The following ICA1 variants were observed in gnomAD, a reference collection of about 807,000 sequenced individuals.
The protein encoded by ICA1 is islet cell autoantigen 1.
A neutral mutation model predicts 71.0 loss-of-function variants in ICA1; 40 were observed. That is an observed-to-expected ratio of 0.56 (90% confidence interval 0.44 to 0.73). ICA1 has a LOEUF of 0.73. ICA1 is among the 30% of genes least tolerant of loss of function. ICA1 has a pLI of 0.00. For missense variants in ICA1, 578 were observed against 576.5 expected (o/e 1.00, Z -0.03); for synonymous variants, 207 against 209.5 (o/e 0.99, Z 0.10).
rs1170486145 is a variant in ICA1, at chr7:8,176,582, G to A, written c.580-17930C>T. Among the ~76,000 whole-genome samples the A allele has an allele frequency of 3.3e-5, 5 of 152,292 alleles. No homozygotes were observed. In the East Asian group the frequency reaches 7.7e-4, roughly 24 times the overall value. ...AAGGCTTTGTGCCTCGTGGGCAGCA[G>A]GCATGCACAACAATGAGTAAATGAA... On this transcript the variant is annotated intron_variant, in intron 6 of 13. Coordinates refer to ENST00000402384, the MANE Select transcript of ICA1 (RefSeq NM_001136020.3).
At chr7:8,122,514 C>T (rs1157178603) in intron 13 of ICA1, among the ~76,000 whole-genome samples, 10 of 152,284 alleles carry the variant, frequency 6.6e-5, no homozygotes, top group African/African-American at 2.4e-4. Context: ...ATAGGAAGTG[C>T]TGCACTTTGG....
intron 1 of ICA1, among the ~76,000 whole-genome samples, chr7:8,247,733 T>C (rs1378417878): frequency 1.3e-5 from 2 of 152,232 alleles, no homozygotes; most frequent in Admixed American, 6.5e-5. Context: ...TGGCTTCCAC[T>C]GCAATGAACG....
chr7:8,136,062 T>C (rs2058523), intron 12 of ICA1, among the ~76,000 whole-genome samples: 142,503 of 152,254 alleles, frequency 0.94, 66,729 homozygotes, highest in Middle Eastern at 0.96. Flanking sequence ...TTACTTAAAA[T>C]AGTTTTATAA....
intron 13 of ICA1, among the ~76,000 whole-genome samples, chr7:8,121,647 C>A (rs1311647781): frequency 6.6e-6 from 1 of 152,042 alleles, no homozygotes; most frequent in Non-Finnish European, 1.5e-5. Flanking sequence ...TTAGTGGGTA[C>A]AAAAATATAG....
rs571138104 is a variant in ICA1 at position 8,113,606 on chromosome 7, T to G, written c.*317A>C. 3 of 216,826 alleles carry G rather than the reference T, an allele frequency of 1.4e-5. No homozygotes were observed. The South Asian group carries it at 2.3e-4, about 16-fold the overall frequency. 13.4% of individuals were successfully genotyped at this position (216,826 alleles called of 1,614,324 possible). A position where few individuals can be genotyped will look rare whatever the true frequency, so the allele number is the denominator to read the frequency against. On this transcript the variant is annotated 3_prime_UTR_variant, in exon 14 of 14. Transcript: ENST00000402384. The surrounding 1 kb of genome is among the most constrained non-coding windows in gnomAD (Gnocchi z 4.2). ...ATTCAAACCTACCATCAAAGTAGGC[T>G]TCTGATTTCAACTTGGATCTCACGG...
At chr7:8,205,069 G>T (rs1238657212) in intron 6 of ICA1, among the ~76,000 whole-genome samples, 3 of 120,700 alleles carry the variant, frequency 2.5e-5, no homozygotes, top group African/African-American at 6.3e-5. Context: ...TTTTAAAATG[G>T]AAGACATGCA....
chr7:8,135,913 T>C (rs1793246858), intron 12 of ICA1, among the ~76,000 whole-genome samples: 1 of 152,206 alleles, frequency 6.6e-6, no homozygotes, highest in African/African-American at 2.4e-5. Context: ...GTATCTGCTA[T>C]TCATTTTTCT....
At position 8,223,336 on chromosome 7, in the gene ICA1, T is replaced by C. The variant is rs991964803; in HGVS notation, c.257-1938A>G. Among the ~76,000 whole-genome samples, 3 of 152,208 alleles carry C rather than the reference T, an allele frequency of 2.0e-5. No homozygotes were observed. Among genetic ancestry groups the C allele is most frequent in the Non-Finnish European group, 4.4e-5 (3 of 68,040 alleles). ...AATTTGTGGTACCTGAATAATTACA[T>C]GGTTGACAAAATGTACTCTTTCCTA... is the stretch of plus-strand genomic sequence containing the variant. On this transcript the variant is annotated intron_variant, in intron 4 of 13. Coordinates refer to ENST00000402384, the MANE Select transcript of ICA1 (RefSeq NM_001136020.3). The surrounding 1 kb of genome is among the most constrained non-coding windows in gnomAD (Gnocchi z 4.1).
intron 8 of ICA1, among the ~76,000 whole-genome samples, chr7:8,150,142 T>C (rs1347929446): frequency 6.6e-6 from 1 of 152,220 alleles, no homozygotes; most frequent in Non-Finnish European, 1.5e-5. Context: ...CAAGGCACCA[T>C]ACTGTCCTGG....
chr7:8,227,534 A>G (rs1798966535), intron 4 of ICA1: 3 of 264,674 alleles, frequency 1.1e-5, no homozygotes, highest in South Asian at 7.1e-5. Flanking sequence ...CACTTAGGAA[A>G]TACTAACATA....
chr7:8,176,980 G>A (rs767060308), intron 6 of ICA1, among the ~76,000 whole-genome samples: 4 of 152,100 alleles, frequency 2.6e-5, no homozygotes, highest in Middle Eastern at 3.2e-3. Flanking sequence ...CCAAATCTCC[G>A]AACAGCGAGA....
At chr7:8,238,989 A>T (rs1802791557) in intron 1 of ICA1, among the ~76,000 whole-genome samples, 1 of 152,224 alleles carries the variant, frequency 6.6e-6, no homozygotes, top group African/African-American at 2.4e-5. Flanking sequence ...AACCACAGCT[A>T]AATGGCACAC....
intron 12 of ICA1, among the ~76,000 whole-genome samples, chr7:8,136,977 A>G (rs1275432857): frequency 6.6e-6 from 1 of 152,206 alleles, no homozygotes; most frequent in Non-Finnish European, 1.5e-5. Flanking sequence ...TTCTGTGAAA[A>G]AATGCATGAC....
intron 12 of ICA1, among the ~76,000 whole-genome samples, chr7:8,134,696 A>G (rs987431987): frequency 1.3e-5 from 2 of 152,204 alleles, no homozygotes; most frequent in African/African-American, 4.8e-5. Context: ...GGCTAACAAG[A>G]AAAACATATT....
chr7:8,261,809 G>A lies in ICA1; in HGVS notation c.-80+285C>T, dbSNP rs369413156. Among the ~76,000 whole-genome samples, 34 of 152,224 alleles carry A rather than the reference G, an allele frequency of 2.2e-4. No homozygotes were observed. The East Asian group carries it at 5.3e-3, about 24-fold the overall frequency. On this transcript the variant is annotated intron_variant, in intron 1 of 13. Coordinates refer to ENST00000402384, the MANE Select transcript of ICA1 (RefSeq NM_001136020.3). ...CTCCCAGCGCTGGGGCCGGAGCGCG[G>A]AACGCTTCCCTACCGCTCCCCCGGG...
At chr7:8,215,384 G>C (rs1465457391) in intron 6 of ICA1, among the ~76,000 whole-genome samples, 1 of 152,062 alleles carries the variant, frequency 6.6e-6, no homozygotes, top group African/African-American at 2.4e-5. Context: ...TTCACATTTT[G>C]TTTAGTGCCA....
At chr7:8,154,639 T>G (rs1800869682) in intron 8 of ICA1, among the ~76,000 whole-genome samples, 1 of 152,170 alleles carries the variant, frequency 6.6e-6, no homozygotes, top group Non-Finnish European at 1.5e-5. Context: ...TTACTTAAAT[T>G]TCAAAATGGC....
chr7:8,202,260 A>G (rs1285458375), intron 6 of ICA1, among the ~76,000 whole-genome samples: 1 of 152,152 alleles, frequency 6.6e-6, no homozygotes, highest in African/African-American at 2.4e-5. Flanking sequence ...TCTGAGTCAA[A>G]TTATAATCCC....
intron 1 of ICA1, among the ~76,000 whole-genome samples, chr7:8,253,306 C>A (rs1031362003): frequency 4.6e-5 from 7 of 152,118 alleles, no homozygotes; most frequent in African/African-American, 1.7e-4. Flanking sequence ...TGATTGTACT[C>A]CATATTTTTA....
Sources: gnomAD v4.1 joint callset for allele counts (sites outside exome capture counted in the v4.1 genomes callset) on GRCh38, gnomAD v4.1.1 for gene constraint, Gnocchi (gnomAD v3.1) non-coding constraint, MANE v1.5 for transcripts, NCBI Gene and HGNC (gene_info 2026-07-23, HGNC 2026-07-21) for gene names.